NMNAT1: variants seen among roughly 807,000 people sequenced by gnomAD.
NMNAT1 encodes the protein nicotinamide/nicotinic acid mononucleotide adenylyltransferase 1.
In NMNAT1, 11 loss-of-function variants were observed where a neutral mutation model predicts 16.7. The observed-to-expected ratio is 0.66, with a 90% CI of 0.41 to 1.09. The LOEUF (loss-of-function observed/expected upper bound fraction) is 1.09. NMNAT1 is among the 50% of genes least tolerant of loss of function. NMNAT1 has a pLI of 0.00. For missense variants in NMNAT1, 280 were observed against 332.3 expected, an observed-to-expected ratio of 0.84 and a Z score of 1.22; for synonymous variants, 110 against 119.8, an observed-to-expected ratio of 0.92 and a Z score of 0.53.
Position 9,958,443 on chromosome 1 carries a change from G to GT in NMNAT1, c.-56-13561dup, listed in dbSNP as rs766788344. On this transcript the variant is annotated intron_variant, in intron 1 of 4. Transcript: ENST00000377205. ...TGATACTGATTTTTTGTTTTGTTTT[G>GT]TTTTTTTTTTTTTTGAGACAGAGTC... is the stretch of plus-strand genomic sequence containing the variant. Among the ~76,000 whole-genome samples, 547 of 139,612 alleles carry GT rather than the reference G, an allele frequency of 3.9e-3. 1 individual carries two copies. The highest frequency in any genetic ancestry group is 6.1e-3 in the East Asian group (30 of 4,902). The allele number at this position is 139,612 out of a possible 152,430, so 91.6% of individuals were successfully genotyped here. A position where few individuals can be genotyped will look rare whatever the true frequency, so the allele number is the denominator to read the frequency against.
intron 1 of NMNAT1, among the ~76,000 whole-genome samples, chr1:9,945,894 C>A (rs1402984452): frequency 6.6e-6 from 1 of 152,154 alleles, no homozygotes; most frequent in African/African-American, 2.4e-5. Context: ...GCTGGGACTT[C>A]AGGTGCATGC....
the NMNAT1 span, among the ~76,000 whole-genome samples, chr1:9,996,322 A>G: frequency 6.8e-6 from 1 of 146,362 alleles, no homozygotes; most frequent in African/African-American, 2.5e-5. Context: ...AAAAAAAAAA[A>G]AAAAGAAAAA....
At chr1:9,991,352 T>A in the NMNAT1 span, among the ~76,000 whole-genome samples, 1 of 152,124 alleles carries the variant, frequency 6.6e-6, no homozygotes, top group Non-Finnish European at 1.5e-5. Context: ...TTGTTTTTAG[T>A]AGAGATGGGA....
At chr1:9,973,195 C>T (rs1181533891) in intron 2 of NMNAT1, among the ~76,000 whole-genome samples, 2 of 152,072 alleles carry the variant, frequency 1.3e-5, no homozygotes, top group African/African-American at 4.8e-5. Flanking sequence ...CGGCTCACTG[C>T]AACCTCCACC....
chr1:9,966,962 G>A (rs746939047), intron 1 of NMNAT1, among the ~76,000 whole-genome samples: 185 of 152,148 alleles, frequency 1.2e-3, no homozygotes, highest in Non-Finnish European at 2.2e-3. Context: ...AGTGGCTCGA[G>A]CCTGTAATCC....
Position 9,982,390 on chromosome 1 carries a change from A to T in NMNAT1, c.529A>T (p.Ile177Phe). The part of the protein sequence containing the change: ...NLWKSEDITQ[I>F]VANYGLICVT... ...GTGGAAGAGTGAAGACATCACCCAAATCGTGGCCAACTATGGGCTCATATG... is the reference window on the plus strand; with the variant it reads ...GTGGAAGAGTGAAGACATCACCCAATTCGTGGCCAACTATGGGCTCATATG... Residue 177 changes from isoleucine to phenylalanine, a missense_variant, in exon 5 of 5, where the codon ATC becomes TTC. Coordinates refer to ENST00000377205, the MANE Select transcript of NMNAT1 (RefSeq NM_022787.4). 6.2e-7 allele frequency: 1 copy of T among 1,614,170 alleles called. No individual in the cohort carries two copies. Among genetic ancestry groups the T allele is most frequent in the Non-Finnish European group, 8.5e-7 (1 of 1,180,032 alleles).
At chr1:9,944,826 A>G (rs1463794748) in intron 1 of NMNAT1, among the ~76,000 whole-genome samples, 1 of 152,244 alleles carries the variant, frequency 6.6e-6, no homozygotes, top group African/African-American at 2.4e-5. Flanking sequence ...CAGAGTTACA[A>G]TTTGAATATG....
At chr1:9,943,276 G>A (rs994505191), upstream of NMNAT1, 3 of 156,556 alleles carry the variant, frequency 1.9e-5, no homozygotes, top group Non-Finnish European at 2.8e-5. Flanking sequence ...AACCTCCTTA[G>A]GCCCCCGGGA....
intron 2 of NMNAT1, among the ~76,000 whole-genome samples, 196 bp from the exon 3 acceptor site, chr1:9,975,396 G>C (rs933762507): frequency 1.3e-5 from 2 of 152,092 alleles, no homozygotes; most frequent in African/African-American, 4.8e-5. Flanking sequence ...AGCTACTCAG[G>C]AGTCTGACTC....
chr1:9,978,624 C>T (rs927912024), intron 3 of NMNAT1, among the ~76,000 whole-genome samples: 2 of 152,064 alleles, frequency 1.3e-5, no homozygotes, highest in African/African-American at 4.8e-5. Flanking sequence ...AAAATTCTCC[C>T]ATGAGGGAGC....
intron 1 of NMNAT1, among the ~76,000 whole-genome samples, chr1:9,943,938 A>G (rs1372254870): frequency 6.6e-6 from 1 of 152,064 alleles, no homozygotes; most frequent in African/African-American, 2.4e-5. Context: ...GAAGGAGGTA[A>G]TGAGCTGTAG....
intron 2 of NMNAT1, 143 bp from the exon 3 acceptor site, chr1:9,975,449 C>G (rs144584387): frequency 3.4e-6 from 2 of 595,554 alleles, no homozygotes; most frequent in Admixed American, 3.5e-5. Flanking sequence ...TGCAGTGAGC[C>G]GAGATCACTC....
the NMNAT1 span, among the ~76,000 whole-genome samples, chr1:9,994,232 TC>T: frequency 6.8e-6 from 1 of 146,618 alleles, no homozygotes; most frequent in South Asian, 2.2e-4. Context: ...TGCCTCAGCC[TC>T]TCCAGGAGCT....
chr1:9,967,183 C>T (rs1392995404), intron 1 of NMNAT1, among the ~76,000 whole-genome samples: 1 of 152,068 alleles, frequency 6.6e-6, no homozygotes, highest in African/African-American at 2.4e-5. Context: ...AAGATCTTTC[C>T]ACTGCACTCC....
intron 1 of NMNAT1, chr1:9,950,461 T>C (rs1368452778): frequency 2.0e-5 from 3 of 152,228 alleles, no homozygotes; most frequent in Non-Finnish European, 4.4e-5. Flanking sequence ...TCAGCTGAAA[T>C]AGCAGGATAG....
chr1:9,958,703 A>T (rs1641329266), intron 1 of NMNAT1, among the ~76,000 whole-genome samples: 1 of 152,026 alleles, frequency 6.6e-6, no homozygotes, highest in Non-Finnish European at 1.5e-5. Context: ...CTCCCAAAGT[A>T]CTGGGATTAG....
chr1:9,952,876 G>C (rs1641150302), intron 1 of NMNAT1, among the ~76,000 whole-genome samples: 1 of 152,102 alleles, frequency 6.6e-6, no homozygotes, highest in Non-Finnish European at 1.5e-5. Context: ...GCTAGAAACA[G>C]ATTCTTGAAT....
At chr1:9,952,964 C>T (rs186880098) in intron 1 of NMNAT1, among the ~76,000 whole-genome samples, 10 of 151,974 alleles carry the variant, frequency 6.6e-5, no homozygotes, top group Non-Finnish European at 2.9e-5. Flanking sequence ...CTAATTTTTC[C>T]TTTGATATAG....
chr1:9,949,100 T>C (rs1295160703), intron 1 of NMNAT1, among the ~76,000 whole-genome samples: 1 of 150,742 alleles, frequency 6.6e-6, no homozygotes, highest in Admixed American at 6.6e-5. Context: ...TGAAACCCCA[T>C]CTCTACTAAA....
Sources: allele counts gnomAD v4.1 joint callset (sites outside exome capture counted in the v4.1 genomes callset), GRCh38; gene constraint gnomAD v4.1.1; transcripts MANE v1.5; gene names NCBI Gene and HGNC (gene_info 2026-07-23, HGNC 2026-07-21).